The following UBASH3B variants were observed in gnomAD, a reference collection of about 807,000 sequenced individuals.
The protein encoded by UBASH3B is ubiquitin associated and SH3 domain containing B.
Under a neutral mutation model 83.4 loss-of-function variants are expected in UBASH3B, and 37 were observed. The ratio of observed to expected loss-of-function variants is 0.44; its 90% confidence interval spans 0.34 to 0.58. UBASH3B has a LOEUF of 0.58. Ranked by LOEUF, UBASH3B falls within the 20% of genes least tolerant of loss-of-function variation. The pLI is 0.01. For synonymous variants in UBASH3B, 304 were observed against 318.3 expected, an observed-to-expected ratio of 0.96 and a Z score of 0.48; for missense variants, 657 against 827.2, an observed-to-expected ratio of 0.79 and a Z score of 2.52.
At chr11:122,680,785 A>G (rs911737584) in intron 1 of UBASH3B, among the ~76,000 whole-genome samples, 20 of 152,328 alleles carry the variant, frequency 1.3e-4, no homozygotes, top group African/African-American at 3.8e-4. Context: ...TATTCTATGC[A>G]TAACTGATTT....
chr11:122,809,874 G>A lies in UBASH3B; in HGVS notation c.1938G>A (p.Leu646=). 1 of 1,614,076 alleles carries A rather than the reference G, an allele frequency of 6.2e-7. No individual in the cohort carries two copies. Among genetic ancestry groups the A allele is most frequent in the Non-Finnish European group, 8.5e-7 (1 of 1,179,992 alleles). The part of the protein sequence containing the change: ...PTGGFNWRET[L]LQE The stretch of plus-strand genomic sequence containing the variant: ...GGGGCTTCAACTGGAGAGAGACCTT[G>A]CTTCAAGAATAAACCACACCAGTGA... Residue 646 remains leucine, a synonymous_variant, in exon 14 of 14, where the codon TTG becomes TTA. Transcript: ENST00000284273.
chr11:122,707,499 C>A (rs1864136782), intron 1 of UBASH3B, among the ~76,000 whole-genome samples: 1 of 152,104 alleles, frequency 6.6e-6, no homozygotes, highest in Non-Finnish European at 1.5e-5. Context: ...AATGAGCCTT[C>A]TTTCTCACTA....
intron 1 of UBASH3B, among the ~76,000 whole-genome samples, chr11:122,658,130 C>G (rs192525753): frequency 1.4e-5 from 2 of 148,142 alleles, no homozygotes; most frequent in Non-Finnish European, 3.0e-5. Context: ...GAGCCAAGAT[C>G]GCACCACTGC....
At chr11:122,692,604 G>C (rs1198622049) in intron 1 of UBASH3B, among the ~76,000 whole-genome samples, 1 of 152,200 alleles carries the variant, frequency 6.6e-6, no homozygotes, top group East Asian at 1.9e-4. Flanking sequence ...GAATGTGGAA[G>C]ACAGTTTGCA....
At chr11:122,722,515 G>C (rs756965286) in intron 1 of UBASH3B, among the ~76,000 whole-genome samples, 1 of 152,162 alleles carries the variant, frequency 6.6e-6, no homozygotes, top group Non-Finnish European at 1.5e-5. Context: ...CTCAGTGGCA[G>C]AAGGAACCAT....
chr11:122,780,681 CG>C (rs1239787895), intron 4 of UBASH3B, among the ~76,000 whole-genome samples: 1 of 152,142 alleles, frequency 6.6e-6, no homozygotes, highest in East Asian at 1.9e-4. Context: ...TGCCCTGGGA[CG>C]ATGTTGATCA....
chr11:122,768,455 TAGAG>T (rs1860587948), intron 1 of UBASH3B, among the ~76,000 whole-genome samples: 2 of 142,016 alleles, frequency 1.4e-5, no homozygotes, highest in South Asian at 2.3e-4. Flanking sequence ...AAGAAAAAGA[TAGAG>T]ATATATATGT....
At chr11:122,752,685 T>C (rs1122475) in intron 1 of UBASH3B, among the ~76,000 whole-genome samples, 114,052 of 151,988 alleles carry the variant, frequency 0.75, 44,504 homozygotes, top group Non-Finnish European at 0.86. Flanking sequence ...TTCTTGGAGG[T>C]ATGCATGATG....
intron 1 of UBASH3B, among the ~76,000 whole-genome samples, chr11:122,681,737 T>C (rs755014529): frequency 2.6e-4 from 39 of 152,040 alleles, no homozygotes; most frequent in Non-Finnish European, 4.7e-4. Context: ...CAAACCCACA[T>C]GCTTACCCCT....
At chr11:122,800,822 G>A (rs983528722) in intron 10 of UBASH3B, among the ~76,000 whole-genome samples, 1 of 152,014 alleles carries the variant, frequency 6.6e-6, no homozygotes, top group African/African-American at 2.4e-5. Flanking sequence ...TGGCCAGGCT[G>A]TTCTCAACTC....
chr11:122,771,162 G>C (rs1400888592), intron 1 of UBASH3B, among the ~76,000 whole-genome samples: 1 of 151,798 alleles, frequency 6.6e-6, no homozygotes, highest in African/African-American at 2.4e-5. Flanking sequence ...TCATCTGTTT[G>C]CTGGTGCCAT....
intron 1 of UBASH3B, among the ~76,000 whole-genome samples, chr11:122,764,051 C>A (rs1196286275): frequency 6.6e-6 from 1 of 152,112 alleles, no homozygotes; most frequent in Non-Finnish European, 1.5e-5. Context: ...CTATCGGGTA[C>A]AGAAAAGGGT....
chr11:122,759,428 C>T lies in UBASH3B; in HGVS notation c.162-16791C>T, dbSNP rs1275648313. Among the ~76,000 whole-genome samples the T allele has an allele frequency of 1.3e-5, 2 of 152,186 alleles. No homozygotes were observed. The highest frequency in any genetic ancestry group is 4.8e-5 in the African/African-American group (2 of 41,436). On this transcript the variant is annotated intron_variant, in intron 1 of 13. Transcript: ENST00000284273. This position sits in a 1 kb window ranked among gnomAD's most constrained non-coding sequence, Gnocchi z 4.1. ...GTGGTGTGATGGTTTGGGGATGATTCAAGTGCATTACATTTATTGTGCACT... is the reference window on the plus strand; with the variant it reads ...GTGGTGTGATGGTTTGGGGATGATTTAAGTGCATTACATTTATTGTGCACT...
intron 10 of UBASH3B, among the ~76,000 whole-genome samples, chr11:122,800,383 CAA>C (rs540359065): frequency 0.074 from 5,671 of 76,666 alleles, 356 homozygotes; most frequent in East Asian, 0.21. Context: ...ACTAAAAATA[CAA>C]AAAAAAAAAA....
At position 122,758,033 on chromosome 11, in the gene UBASH3B, A is replaced by G. The variant is rs957287364; in HGVS notation, c.162-18186A>G. 1.3e-5 allele frequency among the ~76,000 whole-genome samples: 2 copies of G among 150,908 alleles called. No individual in the cohort carries two copies. The highest frequency in any genetic ancestry group is 3.0e-5 in the Non-Finnish European group (2 of 67,740). ...CAAGACCTTCTTTAAACACTCAACC[A>G]CTCCTTTTGAGTCGAAGCTTCCTGG... On this transcript the variant is annotated intron_variant, in intron 1 of 13. Coordinates refer to ENST00000284273, the MANE Select transcript of UBASH3B (RefSeq NM_032873.5). This position sits in a 1 kb window ranked among gnomAD's most constrained non-coding sequence, Gnocchi z 4.2.
At chr11:122,661,416 G>A (rs142546766) in intron 1 of UBASH3B, among the ~76,000 whole-genome samples, 135 of 152,276 alleles carry the variant, frequency 8.9e-4, no homozygotes, top group African/African-American at 3.1e-3. Context: ...GGTTGACATT[G>A]GATCCTCTGA....
intron 1 of UBASH3B, among the ~76,000 whole-genome samples, chr11:122,718,540 G>T (rs34523749): frequency 0.075 from 11,390 of 152,250 alleles, 489 homozygotes; most frequent in Middle Eastern, 0.13. Flanking sequence ...ATTTAGGGGG[G>T]AAATGGGATA....
At chr11:122,719,799 G>T (rs1306992758) in intron 1 of UBASH3B, among the ~76,000 whole-genome samples, 2 of 152,066 alleles carry the variant, frequency 1.3e-5, no homozygotes, top group Non-Finnish European at 2.9e-5. Context: ...TGTCATCAAG[G>T]TCACTAATGG....
chr11:122,710,703 G>T (rs2135936068), intron 1 of UBASH3B, among the ~76,000 whole-genome samples: 1 of 151,970 alleles, frequency 6.6e-6, no homozygotes, highest in South Asian at 2.1e-4. Flanking sequence ...CCCCATAAGG[G>T]CCTGCTGGGG....
Sources: gnomAD v4.1 joint callset for allele counts (sites outside exome capture counted in the v4.1 genomes callset) on GRCh38, gnomAD v4.1.1 for gene constraint, Gnocchi (gnomAD v3.1) non-coding constraint, MANE v1.5 for transcripts, NCBI Gene and HGNC (gene_info 2026-07-23, HGNC 2026-07-21) for gene names.